ZBTB16: variants seen among roughly 807,000 people sequenced by gnomAD.
The protein encoded by ZBTB16 is zinc finger and BTB domain containing 16, also known as zinc finger and BTB domain-containing protein 16.
In ZBTB16, 8 loss-of-function variants were observed where a neutral mutation model predicts 56.8. The ratio of observed to expected loss-of-function variants is 0.14; its 90% CI spans 0.08 to 0.25. The LOEUF is 0.25. Ranked by LOEUF, ZBTB16 falls within the 10% of genes least tolerant of loss-of-function variation. The probability of loss-of-function intolerance (pLI) is 1.00; values close to 1 mark genes in which losing one functional copy is unlikely to be tolerated. For missense variants in ZBTB16, 625 were observed against 903.0 expected (o/e 0.69, Z 3.95); for synonymous variants, 363 against 368.5 (o/e 0.98, Z 0.17).
intron 5 of ZBTB16, among the ~76,000 whole-genome samples, chr11:114,242,767 C>T (rs576223157): frequency 3.5e-4 from 53 of 152,212 alleles, no homozygotes; most frequent in Non-Finnish European, 6.5e-4. Context: ...GATGCCCCGC[C>T]GCTCTATCCA....
intron 2 of ZBTB16, among the ~76,000 whole-genome samples, chr11:114,080,229 A>G (rs1328026933): frequency 8.7e-5 from 1 of 11,516 alleles, no homozygotes; most frequent in Admixed American, 1.6e-3. Flanking sequence ...TATACTCAGC[A>G]TGTATTTTTT....
At chr11:114,085,516 G>GTA (rs922684307) in intron 2 of ZBTB16, among the ~76,000 whole-genome samples, 16 of 145,112 alleles carry the variant, frequency 1.1e-4, no homozygotes, top group Middle Eastern at 3.3e-3. Context: ...GTGTGTGTGT[G>GTA]TATATATATA....
rs376578938 is a variant in ZBTB16, at chr11:114,239,589, A to T, written c.1454-2578A>T. 2.0e-5 allele frequency among the ~76,000 whole-genome samples: 3 copies of T among 152,282 alleles called. No individual in the cohort carries two copies. In the South Asian group the frequency reaches 6.2e-4, roughly 32 times the overall value. On this transcript the variant is annotated intron_variant, in intron 4 of 6. Coordinates refer to ENST00000335953, the MANE Select transcript of ZBTB16 (RefSeq NM_006006.6). ...TTCTGTCCAGAAAGATACATCTCTC[A>T]TTATGTCTCCCTCCAGCAAGTGAAG...
Position 114,063,438 on chromosome 11 carries a change from C to G in ZBTB16, c.138C>G (p.His46Gln). ...TCATGGTGGACAGCCAGGAGTTCCA[C>G]GCCCACCGGACGGTGCTGGCCTGCA... Reference protein sequence around the residue: ...VVIMVDSQEFHAHRTVLACTS... With the variant: ...VVIMVDSQEFQAHRTVLACTS... Residue 46 changes from histidine to glutamine, a missense_variant, in exon 2 of 7, where the codon CAC becomes CAG. His to Gln is a conservative substitution (Grantham distance 24). This residue lies in a region of ZBTB16 where 54 missense variants were observed against 159.4 expected (regional missense o/e 0.34). Coordinates refer to ENST00000335953, the MANE Select transcript of ZBTB16 (RefSeq NM_006006.6). This position sits in a 1 kb window ranked among gnomAD's most constrained non-coding sequence, Gnocchi z 6.5. 6.2e-7 allele frequency: 1 copy of G among 1,614,196 alleles called. No individual in the cohort carries two copies. Among genetic ancestry groups the G allele is most frequent in the African/African-American group, 1.3e-5 (1 of 75,056 alleles).
At chr11:114,210,196 T>TGTGTGCGCAC (rs1217175270) in intron 4 of ZBTB16, among the ~76,000 whole-genome samples, 1 of 151,156 alleles carries the variant, frequency 6.6e-6, no homozygotes, top group Non-Finnish European at 1.5e-5. Context: ...TGTGTGTGCG[T>TGTGTGCGCAC]GCGCGCGCGT....
chr11:114,202,275 C>T (rs1943753460), intron 4 of ZBTB16, among the ~76,000 whole-genome samples: 1 of 152,164 alleles, frequency 6.6e-6, no homozygotes, highest in African/African-American at 2.4e-5. Context: ...AGTGACTCCC[C>T]ATATGGGAGA....
intron 3 of ZBTB16, among the ~76,000 whole-genome samples, chr11:114,167,387 T>G (rs1478365551): frequency 1.1e-4 from 2 of 18,780 alleles, no homozygotes; most frequent in Non-Finnish European, 1.8e-4. Context: ...AGTTTTTTTG[T>G]TTTTTTTTTT....
At position 114,156,364 on chromosome 11, in the gene ZBTB16, C is replaced by T. The variant is rs148436647; in HGVS notation, c.1296C>T (p.Tyr432=). ...AGCTGCACAGTGGGATGAAGACGTA[C>T]GGGTGCGAGCTCTGCGGGAAGCGGT... ...HRKLHSGMKT[Y]GCELCGKRFL... Residue 432 remains tyrosine, a synonymous_variant, in exon 3 of 7, where the codon TAC becomes TAT. Coordinates refer to ENST00000335953, the MANE Select transcript of ZBTB16 (RefSeq NM_006006.6). The T allele has an allele frequency of 1.4e-4, 228 of 1,614,096 alleles. 1 individual carries two copies. Among genetic ancestry groups the T allele is most frequent in the African/African-American group, 1.3e-4 (10 of 74,928 alleles).
At chr11:114,083,416 G>A (rs1431583145) in intron 2 of ZBTB16, among the ~76,000 whole-genome samples, 1 of 152,166 alleles carries the variant, frequency 6.6e-6, no homozygotes, top group Non-Finnish European at 1.5e-5. Flanking sequence ...TGGAGACTCT[G>A]GCTTGAAAAG....
chr11:114,253,314 C>T lies in ZBTB16; in HGVS notation c.*2759C>T, dbSNP rs537580921. 6.6e-6 allele frequency among the ~76,000 whole-genome samples: 1 copy of T among 152,284 alleles called. No homozygotes were observed. Among genetic ancestry groups the T allele is most frequent in the African/African-American group, 2.4e-5 (1 of 41,554 alleles). ...TAAAAGCTGAGAGGGTTGAGCTAAT[C>T]TTCACAAATTGTAATATTTTTGTAG... On this transcript the variant is annotated 3_prime_UTR_variant, in exon 7 of 7. Transcript: ENST00000335953.
At chr11:114,154,162 C>T (rs1317669016) in intron 2 of ZBTB16, among the ~76,000 whole-genome samples, 1 of 152,164 alleles carries the variant, frequency 6.6e-6, no homozygotes, top group Non-Finnish European at 1.5e-5. Context: ...ATGGGAGCCC[C>T]AGAGGGGAGT....
intron 3 of ZBTB16, among the ~76,000 whole-genome samples, chr11:114,159,173 G>T (rs181540140): frequency 1.3e-3 from 193 of 152,354 alleles, no homozygotes; most frequent in Non-Finnish European, 2.1e-3. Flanking sequence ...CAACTGCCCT[G>T]CGGAGCTGGC....
chr11:114,175,617 A>G (rs1481808160), intron 3 of ZBTB16, among the ~76,000 whole-genome samples: 2 of 152,044 alleles, frequency 1.3e-5, no homozygotes, highest in African/African-American at 4.8e-5. Context: ...CTGAGACCCA[A>G]GCAATGAAGG....
chr11:114,092,893 A>C (rs1385809363), intron 2 of ZBTB16, among the ~76,000 whole-genome samples: 1 of 152,100 alleles, frequency 6.6e-6, no homozygotes, highest in African/African-American at 2.4e-5. Context: ...TTCTTTGGGC[A>C]TGTTCCCTTC....
In ZBTB16 at chr11:114,081,950, A is replaced by G. The variant is rs77967741; in HGVS notation, c.1268+17382A>G. Among the ~76,000 whole-genome samples the G allele has an allele frequency of 3.9e-3, 587 of 152,120 alleles. 5 individuals carry two copies. Among genetic ancestry groups the G allele is most frequent in the African/African-American group, 0.013 (556 of 41,484 alleles). On this transcript the variant is annotated intron_variant, in intron 2 of 6. Transcript: ENST00000335953. ...TGAGCAGACCCGGGTTCAGATTTTCATGCTGCCACTTGCAAACTGTGTGAT... is the reference window on the plus strand; with the variant it reads ...TGAGCAGACCCGGGTTCAGATTTTCGTGCTGCCACTTGCAAACTGTGTGAT...
intron 5 of ZBTB16, among the ~76,000 whole-genome samples, 189 bp downstream of exon 5, chr11:114,242,526 C>T (rs966935708): frequency 2.6e-5 from 4 of 152,144 alleles, no homozygotes; most frequent in East Asian, 1.9e-4. Flanking sequence ...TCCTGTGGAC[C>T]GTCGGTTCAA....
At chr11:114,072,774 C>A (rs115906942) in intron 2 of ZBTB16, among the ~76,000 whole-genome samples, 6 of 152,030 alleles carry the variant, frequency 3.9e-5, no homozygotes, top group Admixed American at 6.6e-5. Flanking sequence ...TTGTACAGGC[C>A]GGGCGCAGTG....
intron 2 of ZBTB16, among the ~76,000 whole-genome samples, chr11:114,102,164 A>G (rs779432434): frequency 3.0e-4 from 46 of 152,134 alleles, no homozygotes; most frequent in African/African-American, 1.0e-3. Flanking sequence ...CCTCTGAAAC[A>G]TGGGTCTCAG....
chr11:114,226,105 T>C (rs1204788205), intron 4 of ZBTB16, among the ~76,000 whole-genome samples: 1 of 152,196 alleles, frequency 6.6e-6, no homozygotes, highest in Non-Finnish European at 1.5e-5. Flanking sequence ...AAGTATTTTC[T>C]TATCATTGTG....
Sources: allele counts gnomAD v4.1 joint callset (sites outside exome capture counted in the v4.1 genomes callset), GRCh38; gene constraint gnomAD v4.1.1; regional missense constraint gnomAD v4.1.1; non-coding constraint Gnocchi (gnomAD v3.1); transcripts MANE v1.5; gene names NCBI Gene and HGNC (gene_info 2026-07-23, HGNC 2026-07-21).